RNF213: variants seen among roughly 807,000 people sequenced by gnomAD.
The protein encoded by RNF213 is E3 ubiquitin-protein ligase RNF213.
A neutral mutation model predicts 514.4 loss-of-function variants in RNF213; 341 were observed. That is an observed-to-expected ratio of 0.66 (90% CI 0.61 to 0.73). The LOEUF is 0.73. Ranked by LOEUF, RNF213 falls within the 30% of genes least tolerant of loss-of-function variation. The pLI is 0.00. For missense variants in RNF213, 5,767 were observed against 6,615.6 expected, an observed-to-expected ratio of 0.87 and a Z score of 4.45; for synonymous variants, 2,655 against 2,658.2, an observed-to-expected ratio of 1.00 and a Z score of 0.04.
Position 80,263,049 on chromosome 17 carries a change from G to A in RNF213, c.-108-525G>A, listed in dbSNP as rs886804758. ...CGCCATCTCCACTCTCACCCTGGATGCAAGAAGTGACCCCGGAGGCCTGAG... is the reference window on the plus strand; with the variant it reads ...CGCCATCTCCACTCTCACCCTGGATACAAGAAGTGACCCCGGAGGCCTGAG... On this transcript the variant is annotated intron_variant, in intron 1 of 67. Coordinates refer to ENST00000582970, the MANE Select transcript of RNF213 (RefSeq NM_001256071.3). This position sits in a 1 kb window ranked among gnomAD's most constrained non-coding sequence, Gnocchi z 4.9. Among the ~76,000 whole-genome samples, 3 of 152,214 alleles carry A rather than the reference G, an allele frequency of 2.0e-5. No individual in the cohort carries two copies. The highest frequency in any genetic ancestry group is 7.2e-5 in the African/African-American group (3 of 41,456).
Position 80,363,283 on chromosome 17 carries a change from G to T in RNF213, c.11537G>T (p.Arg3846Leu). Reference protein sequence around the residue: ...PQVLHSLMEARWNHELAGCEM... With the variant: ...PQVLHSLMEALWNHELAGCEM... ...GTTCTCCACAGCCTGATGGAAGCCC[G>T]TTGGAACCATGAGCTGGCTGGATGT... is the stretch of plus-strand genomic sequence containing the variant. The change falls in exon 40 of 68, where the codon CGT becomes CTT. Residue 3846 changes from arginine (R) to leucine (L), a missense_variant. By Grantham distance (102) the Arg-to-Leu change is moderately radical. This residue lies in a region of RNF213 where 355 missense variants were observed against 358.0 expected (regional missense o/e 0.99). Coordinates refer to ENST00000582970, the MANE Select transcript of RNF213 (RefSeq NM_001256071.3). 1 of 1,613,942 alleles carries T rather than the reference G, an allele frequency of 6.2e-7. No homozygotes were observed. The highest frequency in any genetic ancestry group is 8.5e-7 in the Non-Finnish European group (1 of 1,180,006).
chr17:80,382,143 AGTT>A, intron 57 of RNF213: 1 of 205,620 alleles, frequency 4.9e-6, no homozygotes, highest in Non-Finnish European at 1.0e-5. Flanking sequence ...TCACCATCAC[AGTT>A]GTGTGCTGAT....
chr17:80,383,820 T>C lies in RNF213; in HGVS notation c.14214T>C (p.Ser4738=). 6.2e-7 allele frequency: 1 copy of C among 1,614,144 alleles called. No homozygotes were observed. The highest frequency in any genetic ancestry group is 8.5e-7 in the Non-Finnish European group (1 of 1,180,030). ...CCCGGAAAAGTGTGGTCCATTGCTCTAAGATTTGGAGCTGCAGGAAAAGAA... is the reference window on the plus strand; with the variant it reads ...CCCGGAAAAGTGTGGTCCATTGCTCCAAGATTTGGAGCTGCAGGAAAAGAA... The part of the protein sequence containing the change: ...HLPRKSVVHC[S]KIWSCRKRIT... The change falls in exon 59 of 68, where the codon TCT becomes TCC. Residue 4738 remains serine, a synonymous_variant. Transcript: ENST00000582970.
intron 32 of RNF213, chr17:80,352,266 A>C: frequency 5.1e-6 from 1 of 195,278 alleles, no homozygotes; most frequent in Non-Finnish European, 1.1e-5. Flanking sequence ...TCCAGATGCA[A>C]TTAGATTTCT....
chr17:80,278,379 G>A lies in RNF213; in HGVS notation c.261+4975G>A, dbSNP rs886607472. Among the ~76,000 whole-genome samples, 7 of 152,342 alleles carry A rather than the reference G, an allele frequency of 4.6e-5. 1 individual carries two copies. The highest frequency in any genetic ancestry group is 4.1e-4 in the South Asian group (2 of 4,826). On this transcript the variant is annotated intron_variant, in intron 3 of 67. Coordinates refer to ENST00000582970, the MANE Select transcript of RNF213 (RefSeq NM_001256071.3). ...CGGGCCTGCCTATACCTTCTGGGTC[G>A]GTCTCTGCAGTGCATCTGTGCTCTG...
In RNF213 at chr17:80,371,881, G is replaced by C; in HGVS notation, c.12433G>C (p.Asp4145His). The change falls in exon 47 of 68, where the codon GAT becomes CAT. Residue 4145 changes from aspartate to histidine, a missense_variant. By Grantham distance (81) the Asp-to-His change is moderately conservative. Coordinates refer to ENST00000582970, the MANE Select transcript of RNF213 (RefSeq NM_001256071.3). Reference sequence around the variant, plus strand: ...ATATTTCTCTTTCTGCAGCTTTCATGATGTAAAAGATTATATTCAGGAATA... The same window carrying C: ...ATATTTCTCTTTCTGCAGCTTTCATCATGTAAAAGATTATATTCAGGAATA... ...LKLLLKYSFH[D>H]VKDYIQEYLT... is the part of the protein sequence containing the mutation. 6.8e-7 allele frequency: 1 copy of C among 1,460,080 alleles called. No homozygotes were observed. The highest frequency in any genetic ancestry group is 9.6e-7 in the Non-Finnish European group (1 of 1,039,892). The allele number at this position is 1,460,080 out of a possible 1,614,324, so 90.4% of individuals were successfully genotyped here.
At chr17:80,325,683 C>G (rs1002035172) in intron 18 of RNF213, among the ~76,000 whole-genome samples, 3 of 151,770 alleles carry the variant, frequency 2.0e-5, no homozygotes, top group Admixed American at 6.6e-5. Context: ...TTCCCCCCAG[C>G]CCCCCGCGCC....
chr17:80,327,669 T>C (rs1332915752), intron 18 of RNF213, 147 bp from the exon 19 acceptor site: 1 of 648,418 alleles, frequency 1.5e-6, no homozygotes, highest in Non-Finnish European at 2.6e-6. Context: ...AGTGGAATGA[T>C]TGGCGCATCT....
intron 42 of RNF213, 31 bp downstream of exon 42, chr17:80,364,584 A>C: frequency 6.2e-7 from 1 of 1,613,884 alleles, no homozygotes; most frequent in African/African-American, 1.3e-5. Flanking sequence ...CAGCACATGC[A>C]CGGATCCACC....
At position 80,369,423 on chromosome 17, in the gene RNF213, C is replaced by T. The variant is rs1287053916; in HGVS notation, c.12156-79C>T. Reference sequence around the variant, plus strand: ...CAAAAAAAAAAAAAAAAGTGAAATGCTGTGCAAATCTCAAGTCATTCTGTA... The same window carrying T: ...CAAAAAAAAAAAAAAAAGTGAAATGTTGTGCAAATCTCAAGTCATTCTGTA... On this transcript the variant is annotated intron_variant, in intron 44 of 67. Transcript: ENST00000582970. 5.8e-6 allele frequency: 7 copies of T among 1,214,592 alleles called. No individual in the cohort carries two copies. In the East Asian group the frequency reaches 1.4e-4, roughly 24 times the overall value. 75.2% of individuals were successfully genotyped at this position (1,214,592 alleles called of 1,614,324 possible). A position where few individuals can be genotyped will look rare whatever the true frequency, so the allele number is the denominator to read the frequency against.
chr17:80,382,922 C>G, intron 57 of RNF213, 57 bp from the exon 58 acceptor site: 1 of 1,023,526 alleles, frequency 9.8e-7, no homozygotes, highest in Non-Finnish European at 1.6e-6. Flanking sequence ...TTATTATACG[C>G]AGACTGCTGT....
At chr17:80,375,726 T>G (rs1455648152) in intron 50 of RNF213, 34 bp from the exon 51 acceptor site, 1 of 1,465,278 alleles carries the variant, frequency 6.8e-7, no homozygotes, top group East Asian at 2.3e-5. Context: ...GTGTTGAGCT[T>G]TTAAATTCTT....
chr17:80,346,001 C>G lies in RNF213; in HGVS notation c.7666C>G (p.Leu2556Val). Residue 2556 changes from leucine (L) to valine (V), a missense_variant, in exon 29 of 68, where the codon CTG becomes GTG. Transcript: ENST00000582970. This position sits in a 1 kb window ranked among gnomAD's most constrained non-coding sequence, Gnocchi z 8.1. Reference protein sequence around the residue: ...RVSMEETADRLGSIPLRQLVY... With the variant: ...RVSMEETADRVGSIPLRQLVY... ...TAGTATGGAGGAGACGGCCGACAGG[C>G]TGGGCTCCATTCCTCTGAGGCAGCT... 6.2e-7 allele frequency: 1 copy of G among 1,614,198 alleles called. No homozygotes were observed. The highest frequency in any genetic ancestry group is 2.2e-5 in the East Asian group (1 of 44,876).
rs771379367 is a variant in RNF213, at chr17:80,390,212, C to G, written c.15470+16C>G. The G allele has an allele frequency of 6.8e-6, 11 of 1,613,020 alleles. No homozygotes were observed. The highest frequency in any genetic ancestry group is 9.3e-6 in the Non-Finnish European group (11 of 1,179,332). ...CTCAGTGGAGGTATGGATTTGCACA[C>G]CTATGGGGCGGGGCAGACACAATGT... On this transcript the variant is annotated intron_variant, in intron 67 of 67. Coordinates refer to ENST00000582970, the MANE Select transcript of RNF213 (RefSeq NM_001256071.3).
intron 2 of RNF213, among the ~76,000 whole-genome samples, chr17:80,265,515 AACCAAGAAAT>A (rs1266397232): frequency 6.6e-6 from 1 of 152,172 alleles, no homozygotes. Flanking sequence ...ATTTATCGAA[AACCAAGAAAT>A]ACAGTGATGC....
rs574685129 is a variant in RNF213 at position 80,361,167 on chromosome 17, T to G, written c.11201-567T>G. On this transcript the variant is annotated intron_variant, in intron 38 of 67. Transcript: ENST00000582970. ...TCAGTCTTATCTAGATGTTTCTCTT[T>G]GGGGCTAGCTTGGCTGTTTCTGACC... is the stretch of plus-strand genomic sequence containing the variant. Among the ~76,000 whole-genome samples, 26 of 152,302 alleles carry G rather than the reference T, an allele frequency of 1.7e-4. 1 individual carries two copies. The highest frequency in any genetic ancestry group is 6.0e-4 in the African/African-American group (25 of 41,558).
At chr17:80,355,746 C>T (rs113801645) in intron 36 of RNF213, among the ~76,000 whole-genome samples, 22 of 68,966 alleles carry the variant, frequency 3.2e-4, no homozygotes, top group African/African-American at 1.2e-3. Flanking sequence ...TGGGGGCTCA[C>T]GGAGGAAGAA....
chr17:80,340,187 C>A lies in RNF213; in HGVS notation c.5820C>A (p.Pro1940=). 1 of 1,614,184 alleles carries A rather than the reference C, an allele frequency of 6.2e-7. No individual in the cohort carries two copies. The part of the protein sequence containing the change: ...CDGDWEHCYL[P]SAFSQHKVFV... ...GGGACTGGGAGCACTGCTACCTCCC[C>A]TCTGCCTTCAGCCAGCACAAGGTCT... Residue 1940 remains proline, a synonymous_variant, in exon 26 of 68, where the codon CCC becomes CCA. Coordinates refer to ENST00000582970, the MANE Select transcript of RNF213 (RefSeq NM_001256071.3).
intron 8 of RNF213, among the ~76,000 whole-genome samples, chr17:80,293,893 T>C (rs2044837715): frequency 6.6e-6 from 1 of 151,440 alleles, no homozygotes; most frequent in African/African-American, 2.4e-5. Flanking sequence ...AAGGAGGTGA[T>C]GACCGAGTTG....
Sources: gnomAD v4.1 joint callset for allele counts (sites outside exome capture counted in the v4.1 genomes callset) on GRCh38, gnomAD v4.1.1 for gene constraint, gnomAD v4.1.1 regional missense constraint, Gnocchi (gnomAD v3.1) non-coding constraint, MANE v1.5 for transcripts, NCBI Gene and HGNC (gene_info 2026-07-23, HGNC 2026-07-21) for gene names.